Variants in XIRP2 observed in about 807,000 individuals in gnomAD.
XIRP2 encodes xin actin binding repeat containing 2.
Under a neutral mutation model 277.0 loss-of-function variants are expected in XIRP2, and 236 were observed. The observed-to-expected ratio is 0.85, with a 90% CI of 0.77 to 0.95. The LOEUF is 0.95. Ranked by LOEUF, XIRP2 falls within the 40% of genes least tolerant of loss-of-function variation. The pLI, the probability that XIRP2 is intolerant of heterozygous loss-of-function variation, is 0.00. For missense variants in XIRP2, 4,640 were observed against 4,157.5 expected, an observed-to-expected ratio of 1.12 and a Z score of -3.19; for synonymous variants, 1,490 against 1,416.5, an observed-to-expected ratio of 1.05 and a Z score of -1.17.
intron 5 of XIRP2, among the ~76,000 whole-genome samples, chr2:167,231,519 G>T (rs1694753804): frequency 6.6e-6 from 1 of 151,770 alleles, no homozygotes; most frequent in Non-Finnish European, 1.5e-5. Flanking sequence ...TGGTTAAGAA[G>T]ATCTCAGTGT....
At chr2:167,125,661 T>A (rs1334267697) in intron 2 of XIRP2, among the ~76,000 whole-genome samples, 2 of 152,226 alleles carry the variant, frequency 1.3e-5, no homozygotes, top group Admixed American at 1.3e-4. Context: ...CTACATTTCC[T>A]CATTTTTCGT....
Position 166,903,683 on chromosome 2 carries a change from G to C in XIRP2, c.201G>C (p.Gly67=), listed in dbSNP as rs756271805. The C allele has an allele frequency of 6.2e-7, 1 of 1,613,654 alleles. No homozygotes were observed. Among genetic ancestry groups the C allele is most frequent in the Non-Finnish European group, 8.5e-7 (1 of 1,179,778 alleles). Residue 67 remains glycine, a synonymous_variant, in exon 2 of 11, where the codon GGG becomes GGC. Transcript: ENST00000409195. ...CCACAAGTCTGCCCTACAGTACAGG[G>C]GAAGAGATGTGGAGTTCGAAGCCGG... The part of the protein sequence containing the change: ...LDPTSLPYST[G]EEMWSSKPEE...
At chr2:167,098,128 T>C (rs1690373975) in intron 2 of XIRP2, among the ~76,000 whole-genome samples, 1 of 152,234 alleles carries the variant, frequency 6.6e-6, no homozygotes, top group African/African-American at 2.4e-5. Context: ...TCGTGGATAA[T>C]ATCCTGAAGT....
Position 167,251,918 on chromosome 2 carries a change from C to A in XIRP2, c.10526C>A (p.Thr3509Asn). 1 of 1,571,420 alleles carries A rather than the reference C, an allele frequency of 6.4e-7. No homozygotes were observed. The highest frequency in any genetic ancestry group is 1.2e-5 in the South Asian group (1 of 81,662). ...ADASATEMRT[T>N]FQEESAFISE... Reference sequence around the variant, plus strand: ...GCTTCTGCAACTGAGATGAGAACCACCTTCCAAGAGGAATCTGCATTTATA... The same window carrying A: ...GCTTCTGCAACTGAGATGAGAACCAACTTCCAAGAGGAATCTGCATTTATA... Residue 3509 changes from threonine to asparagine, a missense_variant, in exon 9 of 11, where the codon ACC becomes AAC. Coordinates refer to ENST00000409195, the MANE Select transcript of XIRP2 (RefSeq NM_152381.6).
At chr2:166,943,129 A>C (rs952470525) in intron 2 of XIRP2, among the ~76,000 whole-genome samples, 1 of 152,190 alleles carries the variant, frequency 6.6e-6, no homozygotes, top group Admixed American at 6.5e-5. Context: ...TTCACAATAA[A>C]AACATTTTCT....
At chr2:167,185,695 T>C (rs1693134719) in intron 3 of XIRP2, among the ~76,000 whole-genome samples, 1 of 152,178 alleles carries the variant, frequency 6.6e-6, no homozygotes, top group South Asian at 2.1e-4. Context: ...CTCCTCATAA[T>C]TTAAATTGAA....
At chr2:167,160,853 A>G (rs866617471) in intron 3 of XIRP2, among the ~76,000 whole-genome samples, 1 of 152,204 alleles carries the variant, frequency 6.6e-6, no homozygotes, top group Non-Finnish European at 1.5e-5. Context: ...CACAATCCAA[A>G]GTCTCATCTG....
At chr2:167,170,857 C>T (rs1383417653) in intron 3 of XIRP2, among the ~76,000 whole-genome samples, 3 of 148,508 alleles carry the variant, frequency 2.0e-5, no homozygotes, top group African/African-American at 7.4e-5. Context: ...CTTCTTTTTT[C>T]AGCTGCTAAG....
intron 3 of XIRP2, among the ~76,000 whole-genome samples, chr2:167,165,496 C>G (rs1266379662): frequency 1.3e-5 from 2 of 152,212 alleles, no homozygotes; most frequent in Non-Finnish European, 2.9e-5. Flanking sequence ...ATCCACATCT[C>G]CACCAGAATT....
At chr2:167,090,414 G>A (rs1393206896) in intron 2 of XIRP2, among the ~76,000 whole-genome samples, 1 of 151,994 alleles carries the variant, frequency 6.6e-6, no homozygotes, top group Non-Finnish European at 1.5e-5. Context: ...GGGATCATTT[G>A]CCATCCACCT....
At chr2:167,221,185 A>T (rs1031113408) in intron 5 of XIRP2, among the ~76,000 whole-genome samples, 1 of 152,142 alleles carries the variant, frequency 6.6e-6, no homozygotes, top group Non-Finnish European at 1.5e-5. Flanking sequence ...AGAAAAAGTC[A>T]TTTGTGGCCA....
chr2:166,981,418 C>T (rs1464389417), intron 2 of XIRP2, among the ~76,000 whole-genome samples: 1 of 151,378 alleles, frequency 6.6e-6, no homozygotes, highest in Non-Finnish European at 1.5e-5. Flanking sequence ...GTGTCCTCTG[C>T]TCTTCTTCTT....
At chr2:167,254,272 C>A in intron 10 of XIRP2, 107 bp downstream of exon 10, 1 of 1,259,566 alleles carries the variant, frequency 7.9e-7, no homozygotes, top group East Asian at 2.9e-5. Flanking sequence ...GTTGCTGCGT[C>A]AGTTAACACA....
rs1428415512 is a variant in XIRP2 at position 166,910,104 on chromosome 2, TATCGCGATGATGCTGGCCTCATGAA to T, written c.408+6217_408+6241del. ...TTGTTGTGTCTCTGTCAGACTTTGG[TATCGCGATGATGCTGGCCTCATGAA>T]ATGAGTTAGGGAGGATTCCCTCTTT... is the stretch of plus-strand genomic sequence containing the variant. On this transcript the variant is annotated intron_variant, in intron 2 of 10. Coordinates refer to ENST00000409195, the MANE Select transcript of XIRP2 (RefSeq NM_152381.6). 7.2e-5 allele frequency among the ~76,000 whole-genome samples: 11 copies of T among 152,326 alleles called. No individual in the cohort carries two copies. In the East Asian group the frequency reaches 2.1e-3, roughly 29 times the overall value.
chr2:167,190,539 T>G (rs549868200), intron 3 of XIRP2, among the ~76,000 whole-genome samples: 12 of 152,308 alleles, frequency 7.9e-5, no homozygotes, highest in Non-Finnish European at 1.5e-4. Context: ...GTCTTCTCCT[T>G]TGACATGATA....
chr2:166,972,308 A>G (rs558113058), intron 2 of XIRP2, among the ~76,000 whole-genome samples: 1 of 152,244 alleles, frequency 6.6e-6, no homozygotes, highest in Admixed American at 6.5e-5. Context: ...TTTTGTAGCC[A>G]GAACTGACAA....
At chr2:167,056,443 C>A (rs1689040194) in intron 2 of XIRP2, among the ~76,000 whole-genome samples, 1 of 152,082 alleles carries the variant, frequency 6.6e-6, no homozygotes, top group Admixed American at 6.5e-5. Flanking sequence ...AAATTGATTG[C>A]ACGAGATGTA....
chr2:167,201,726 T>C (rs1307328885), intron 3 of XIRP2, among the ~76,000 whole-genome samples: 1 of 152,346 alleles, frequency 6.6e-6, no homozygotes, highest in East Asian at 1.9e-4. Flanking sequence ...CCCTTTGATT[T>C]ATCCTTAGAT....
intron 2 of XIRP2, among the ~76,000 whole-genome samples, chr2:167,057,484 T>G (rs190161351): frequency 3.0e-4 from 46 of 152,280 alleles, no homozygotes; most frequent in Admixed American, 1.2e-3. Context: ...CCGGAAACAC[T>G]TGGGTTACAC....
Sources: gnomAD v4.1 joint callset for allele counts (sites outside exome capture counted in the v4.1 genomes callset) on GRCh38, gnomAD v4.1.1 for gene constraint, MANE v1.5 for transcripts, NCBI Gene and HGNC (gene_info 2026-07-23, HGNC 2026-07-21) for gene names.